Variants in NUGGC observed in about 807,000 individuals in gnomAD.
NUGGC encodes the protein nuclear GTPase, germinal center associated.
A neutral mutation model predicts 92.6 loss-of-function variants in NUGGC; 58 were observed. The observed-to-expected ratio is 0.63, with a 90% CI of 0.51 to 0.78. NUGGC has a LOEUF of 0.78. NUGGC is among the 30% of genes least tolerant of loss of function. The pLI is 0.00. For synonymous variants in NUGGC, 376 were observed against 366.4 expected, an observed-to-expected ratio of 1.03 and a Z score of -0.30; for missense variants, 925 against 964.6, an observed-to-expected ratio of 0.96 and a Z score of 0.54.
intron 6 of NUGGC, among the ~76,000 whole-genome samples, chr8:28,066,082 G>A (rs554483393): frequency 8.5e-5 from 13 of 152,258 alleles, no homozygotes; most frequent in East Asian, 1.9e-4. Flanking sequence ...CCTTGTTTCC[G>A]TGCGTAAATT....
In NUGGC at chr8:28,074,368, C is replaced by T; in HGVS notation, c.43G>A (p.Val15Ile). Residue 15 changes from valine to isoleucine, a missense_variant and splice_region_variant, in exon 2 of 19, where the codon GTT becomes ATT. Physicochemically the swap from Val to Ile is conservative, Grantham distance 29 (BLOSUM62 3). Coordinates refer to ENST00000413272, the MANE Select transcript of NUGGC (RefSeq NM_001010906.2). ...TCAGAAGATACTGCAAAGATGTTAC[C>T]TGGATGCGGTTCCTGGCCAAAAACA... Reference protein sequence around the residue: ...KDVFGQEPHPVEDDLYKERTR... With the variant: ...KDVFGQEPHPIEDDLYKERTR... 1 of 1,609,778 alleles carries T rather than the reference C, an allele frequency of 6.2e-7. No individual in the cohort carries two copies. The highest frequency in any genetic ancestry group is 8.5e-7 in the Non-Finnish European group (1 of 1,176,174).
chr8:28,029,347 T>A lies in NUGGC; in HGVS notation c.2073A>T (p.Arg691Ser). 6.2e-7 allele frequency: 1 copy of A among 1,612,302 alleles called. No individual in the cohort carries two copies. Among genetic ancestry groups the A allele is most frequent in the Non-Finnish European group, 8.5e-7 (1 of 1,179,206 alleles). ...KACERMKDAI[R>S]RGVDRQVAEG... The stretch of plus-strand genomic sequence containing the variant: ...CAGCCACCTGCCGGTCCACTCCTCT[T>A]CTGATGGCATCTTTCATCCGCTCAC... Residue 691 changes from arginine (R) to serine (S), a missense_variant, in exon 17 of 19, where the codon AGA becomes AGT. Arg to Ser is a moderately radical substitution (Grantham distance 110). Transcript: ENST00000413272.
intron 12 of NUGGC, 105 bp from the exon 13 acceptor site, chr8:28,041,320 A>T: frequency 1.7e-6 from 2 of 1,143,678 alleles, no homozygotes; most frequent in Non-Finnish European, 2.5e-6. Context: ...GATTCAGCTT[A>T]TCACTCAGAG....
rs551621645 is a variant in NUGGC, at chr8:28,074,534, T to C, written c.-46-78A>G. On this transcript the variant is annotated intron_variant, in intron 1 of 18. Transcript: ENST00000413272. Reference sequence around the variant, plus strand: ...AAAGCAAACCCTAAGGATGTGTCAGTCTGCTTGTGCGGTATTTCTGCCCAT... The same window carrying C: ...AAAGCAAACCCTAAGGATGTGTCAGCCTGCTTGTGCGGTATTTCTGCCCAT... 165 of 900,418 alleles carry C rather than the reference T, an allele frequency of 1.8e-4. 1 individual carries two copies. The highest frequency in any genetic ancestry group is 1.2e-3 in the Admixed American group (59 of 50,168). The allele number at this position is 900,418 out of a possible 1,614,324, so 55.8% of individuals were successfully genotyped here.
intron 10 of NUGGC, among the ~76,000 whole-genome samples, chr8:28,051,940 C>A (rs1810016205): frequency 6.6e-6 from 1 of 151,582 alleles, no homozygotes; most frequent in Non-Finnish European, 1.5e-5. Context: ...AAAACAAAAA[C>A]AAAAACAAAC....
chr8:28,047,388 C>T (rs1214093477), intron 11 of NUGGC, 119 bp downstream of exon 11: 1 of 631,642 alleles, frequency 1.6e-6, no homozygotes, highest in Non-Finnish European at 2.8e-6. Flanking sequence ...GGTATTGAAA[C>T]CATGGCAAGC....
chr8:28,068,126 G>T (rs1810491289), intron 5 of NUGGC, 90 bp downstream of exon 5: 1 of 731,420 alleles, frequency 1.4e-6, no homozygotes, highest in Non-Finnish European at 2.3e-6. Context: ...GAGGAAGGAA[G>T]GAAGAAAGAA....
intron 17 of NUGGC, among the ~76,000 whole-genome samples, chr8:28,028,528 G>A (rs531605235): frequency 1.3e-5 from 2 of 152,294 alleles, no homozygotes; most frequent in East Asian, 1.9e-4. Context: ...GACAGGATCA[G>A]CCAGCCTGGG....
chr8:28,065,954 G>A (rs558268771), intron 6 of NUGGC, among the ~76,000 whole-genome samples: 1 of 152,056 alleles, frequency 6.6e-6, no homozygotes, highest in South Asian at 2.1e-4. Context: ...TCCTACAAGA[G>A]GGCTCAGCCC....
intron 13 of NUGGC, among the ~76,000 whole-genome samples, chr8:28,034,235 T>G (rs1809496573): frequency 6.6e-6 from 1 of 152,222 alleles, no homozygotes; most frequent in African/African-American, 2.4e-5. Context: ...TGTAATGTCT[T>G]GGCGATGTTT....
intron 14 of NUGGC, among the ~76,000 whole-genome samples, 168 bp from the exon 15 acceptor site, chr8:28,031,549 G>C (rs1160522796): frequency 6.6e-6 from 1 of 152,178 alleles, no homozygotes; most frequent in East Asian, 1.9e-4. Flanking sequence ...CCAGACCTTT[G>C]ACATAAAAAC....
chr8:28,032,439 C>T (rs753978898), intron 14 of NUGGC, among the ~76,000 whole-genome samples: 25 of 152,034 alleles, frequency 1.6e-4, no homozygotes, highest in Non-Finnish European at 3.1e-4. Context: ...AGAGGTCAGC[C>T]GGGCGCGGTG....
chr8:28,034,540 A>G (rs1223652858), intron 13 of NUGGC, among the ~76,000 whole-genome samples: 1 of 152,190 alleles, frequency 6.6e-6, no homozygotes, highest in Non-Finnish European at 1.5e-5. Flanking sequence ...TCCAGGCCAG[A>G]TGCAGTGGCT....
At chr8:28,067,440 ATCCCC>A in intron 6 of NUGGC, 69 bp downstream of exon 6, 1 of 933,764 alleles carries the variant, frequency 1.1e-6, no homozygotes, top group Non-Finnish European at 1.7e-6. Context: ...CCACAAGCCC[ATCCCC>A]TGAAACAGGT....
chr8:28,046,156 A>G (rs1402679019), intron 11 of NUGGC, among the ~76,000 whole-genome samples: 1 of 152,200 alleles, frequency 6.6e-6, no homozygotes, highest in Non-Finnish European at 1.5e-5. Context: ...ATTGTCTGTC[A>G]GAAGATAATA....
In NUGGC at chr8:28,067,664, C is replaced by G; in HGVS notation, c.561G>C (p.Trp187Cys). 6.2e-7 allele frequency: 1 copy of G among 1,614,028 alleles called. No homozygotes were observed. The highest frequency in any genetic ancestry group is 8.5e-7 in the Non-Finnish European group (1 of 1,179,854). ...EELSREEADAWNRDEAVEEAT... is the reference protein window; with the variant it reads ...EELSREEADACNRDEAVEEAT... Reference sequence around the variant, plus strand: ...CTTCCTCCACTGCCTCATCCCTGTTCCACGCATCTGCCTCTTCTCTGCTCA... The same window carrying G: ...CTTCCTCCACTGCCTCATCCCTGTTGCACGCATCTGCCTCTTCTCTGCTCA... The change falls in exon 6 of 19, where the codon TGG (tryptophan) becomes TGC (cysteine). Residue 187 changes from tryptophan (W) to cysteine (C), a missense_variant. Trp to Cys is a radical substitution (Grantham distance 215). Transcript: ENST00000413272.
At position 28,060,477 on chromosome 8, in the gene NUGGC, A is replaced by G. The variant is rs775299373; in HGVS notation, c.1046T>C (p.Val349Ala). The change falls in exon 8 of 19, where the codon GTG becomes GCG. Residue 349 changes from valine to alanine, a missense_variant. Transcript: ENST00000413272. The stretch of plus-strand genomic sequence containing the variant: ...GTCCATCTTGGTGACCACCAGGGCC[A>G]CGTCCCTACAGAAGCCCCGCTGGCA... Reference protein sequence around the residue: ...KACQRGFCRDVALVVTKMDKL... With the variant: ...KACQRGFCRDAALVVTKMDKL... 7 of 1,613,906 alleles carry G rather than the reference A, an allele frequency of 4.3e-6. No homozygotes were observed. In the South Asian group the frequency reaches 7.7e-5, roughly 18 times the overall value.
chr8:28,069,773 A>G, intron 3 of NUGGC, 121 bp from the exon 4 acceptor site: 1 of 696,312 alleles, frequency 1.4e-6, no homozygotes, highest in South Asian at 1.6e-5. Flanking sequence ...TGAAAAGCCG[A>G]TTAAACAAGA....
chr8:28,072,589 G>A (rs1310263690), intron 2 of NUGGC, among the ~76,000 whole-genome samples: 1 of 152,148 alleles, frequency 6.6e-6, no homozygotes, highest in African/African-American at 2.4e-5. Flanking sequence ...GACTGGCAAC[G>A]AATCTGATAA....
Sources: allele counts gnomAD v4.1 joint callset (sites outside exome capture counted in the v4.1 genomes callset), GRCh38; gene constraint gnomAD v4.1.1; transcripts MANE v1.5; gene names NCBI Gene and HGNC (gene_info 2026-07-23, HGNC 2026-07-21).